The following KCNIP4 variants were observed in gnomAD, a reference collection of about 807,000 sequenced individuals.
The protein encoded by KCNIP4 is potassium voltage-gated channel interacting protein 4.
KCNIP4 carries 12 observed loss-of-function variants against 34.0 expected under a neutral mutation model. That is an observed-to-expected ratio of 0.35 (90% CI 0.23 to 0.57). The LOEUF is 0.57. Among genes scored for constraint, KCNIP4 ranks in the 20% least tolerant of loss-of-function variants. The pLI, the probability that KCNIP4 is intolerant of heterozygous loss-of-function variation, is 0.83. For synonymous variants in KCNIP4, 124 were observed against 102.2 expected (o/e 1.21, Z -1.29); for missense variants, 238 against 311.7 (o/e 0.76, Z 1.78).
At chr4:20,941,176 GCTCT>G (rs1478132297) in intron 1 of KCNIP4, among the ~76,000 whole-genome samples, 1 of 152,164 alleles carries the variant, frequency 6.6e-6, no homozygotes, top group Non-Finnish European at 1.5e-5. Flanking sequence ...CTATTTGCAT[GCTCT>G]CTAATTTCTA....
At chr4:21,048,934 T>G (rs1318479235) in intron 1 of KCNIP4, among the ~76,000 whole-genome samples, 1 of 149,550 alleles carries the variant, frequency 6.7e-6, no homozygotes, top group Middle Eastern at 3.2e-3. Context: ...TTTCAGTACC[T>G]TCTGTTTATC....
rs369985938 is a variant in KCNIP4 at position 21,247,800 on chromosome 4, G to GATATATAT, written c.62-365099_62-365092dup. 9.8e-4 allele frequency among the ~76,000 whole-genome samples: 50 copies of GATATATAT among 50,790 alleles called. 2 individuals are homozygous for GATATATAT. The highest frequency in any genetic ancestry group is 6.1e-3 in the East Asian group (15 of 2,458). 33.3% of individuals were successfully genotyped at this position (50,790 alleles called of 152,430 possible). A position where few individuals can be genotyped will look rare whatever the true frequency, so the allele number is the denominator to read the frequency against. On this transcript the variant is annotated intron_variant, in intron 1 of 8. Coordinates refer to ENST00000382152, the MANE Select transcript of KCNIP4 (RefSeq NM_025221.6). ...TTTTTATATATATACACCACAGGTG[G>GATATATAT]ATATATATATATATATATATACACA...
At chr4:21,510,078 CAAAAAAAAAAAAAAA>C (rs759477091) in intron 1 of KCNIP4, among the ~76,000 whole-genome samples, 79 of 65,224 alleles carry the variant, frequency 1.2e-3, no homozygotes, top group Non-Finnish European at 2.1e-3. Flanking sequence ...ACTCCATCTC[CAAAAAAAAAAAAAAA>C]AAAAAAAGGC....
intron 1 of KCNIP4, among the ~76,000 whole-genome samples, chr4:21,011,610 G>T (rs974739372): frequency 3.9e-5 from 6 of 152,134 alleles, no homozygotes; most frequent in Non-Finnish European, 8.8e-5. Context: ...ACTACTGATT[G>T]CTTCTATTTC....
intron 3 of KCNIP4, among the ~76,000 whole-genome samples, chr4:20,799,233 TCAGATATTCTG>T (rs760375137): frequency 6.6e-6 from 1 of 152,164 alleles, no homozygotes; most frequent in African/African-American, 2.4e-5. Flanking sequence ...GCAGGGGATT[TCAGATATTCTG>T]CACACCAGAG....
intron 1 of KCNIP4, among the ~76,000 whole-genome samples, chr4:21,408,417 A>G (rs1486153490): frequency 2.0e-5 from 3 of 152,168 alleles, no homozygotes; most frequent in African/African-American, 7.2e-5. Flanking sequence ...GGAGGCACAG[A>G]GGAGAAAGAG....
At chr4:21,661,681 G>A (rs550952993) in intron 1 of KCNIP4, among the ~76,000 whole-genome samples, 4 of 152,186 alleles carry the variant, frequency 2.6e-5, no homozygotes, top group East Asian at 1.9e-4. Flanking sequence ...ACACTCATCC[G>A]ATAGAAGATT....
chr4:21,095,166 T>G (rs1238351786), intron 1 of KCNIP4, among the ~76,000 whole-genome samples: 1 of 152,188 alleles, frequency 6.6e-6, no homozygotes, highest in Non-Finnish European at 1.5e-5. Context: ...GTTTGAAAAG[T>G]AAAATGTGCA....
chr4:21,717,223 G>A (rs1714453917), intron 1 of KCNIP4, among the ~76,000 whole-genome samples: 1 of 152,104 alleles, frequency 6.6e-6, no homozygotes, highest in African/African-American at 2.4e-5. Context: ...CAATAAAAAT[G>A]TTGCTAGACA....
At chr4:21,293,098 T>G (rs1445975706) in intron 1 of KCNIP4, among the ~76,000 whole-genome samples, 4 of 152,138 alleles carry the variant, frequency 2.6e-5, no homozygotes, top group African/African-American at 9.7e-5. Flanking sequence ...CAAATGATAA[T>G]AAATAGGAGA....
At chr4:20,909,245 T>C (rs34720683) in intron 1 of KCNIP4, among the ~76,000 whole-genome samples, 54,477 of 152,092 alleles carry the variant, frequency 0.36, 11,468 homozygotes, top group East Asian at 0.5. Context: ...TATTTTACTT[T>C]CGTGTTTTTC....
intron 1 of KCNIP4, among the ~76,000 whole-genome samples, chr4:21,686,036 G>A (rs1258467552): frequency 6.6e-6 from 1 of 152,126 alleles, no homozygotes; most frequent in Non-Finnish European, 1.5e-5. Flanking sequence ...TTTGACTTTT[G>A]TTTGGCTCAG....
rs192820647 is a variant in KCNIP4, at chr4:21,110,804, A to C, written c.62-228095T>G. Among the ~76,000 whole-genome samples, 43 of 152,306 alleles carry C rather than the reference A, an allele frequency of 2.8e-4. No homozygotes were observed. The East Asian group carries it at 7.9e-3, about 28-fold the overall frequency. On this transcript the variant is annotated intron_variant, in intron 1 of 8. Transcript: ENST00000382152. Reference sequence around the variant, plus strand: ...GTTGGTTGCCTGTGGATCATGACGCAGGCCCTTACCAGACCCTGAATCTTC... The same window carrying C: ...GTTGGTTGCCTGTGGATCATGACGCCGGCCCTTACCAGACCCTGAATCTTC...
chr4:21,346,001 G>A (rs1446202300), intron 1 of KCNIP4, among the ~76,000 whole-genome samples: 1 of 147,396 alleles, frequency 6.8e-6, no homozygotes, highest in Admixed American at 7.2e-5. Context: ...CTTTGGAAAG[G>A]AATGATGAAG....
chr4:21,026,529 C>T (rs1740572612), intron 1 of KCNIP4, among the ~76,000 whole-genome samples: 1 of 152,108 alleles, frequency 6.6e-6, no homozygotes, highest in African/African-American at 2.4e-5. Flanking sequence ...TGGCATGTGC[C>T]TGTGATCCCA....
chr4:21,859,560 G>A (rs930191379), intron 1 of KCNIP4, among the ~76,000 whole-genome samples: 3 of 151,600 alleles, frequency 2.0e-5, no homozygotes, highest in Admixed American at 6.6e-5. Context: ...CCTGGGAGGC[G>A]GAGCTTGCAG....
intron 1 of KCNIP4, among the ~76,000 whole-genome samples, chr4:21,706,123 T>C (rs1187785448): frequency 6.6e-6 from 1 of 152,202 alleles, no homozygotes; most frequent in African/African-American, 2.4e-5. Flanking sequence ...GATCAGCTAA[T>C]TTGGATTAGA....
intron 1 of KCNIP4, among the ~76,000 whole-genome samples, chr4:20,979,444 G>A (rs533639564): frequency 4.5e-4 from 67 of 150,160 alleles, no homozygotes; most frequent in South Asian, 2.1e-3. Flanking sequence ...TGTCGCCCAG[G>A]CTGGAGTGCA....
intron 5 of KCNIP4, 92 bp downstream of exon 5, chr4:20,749,570 G>A (rs1299354609): frequency 1.2e-6 from 1 of 853,926 alleles, no homozygotes; most frequent in Non-Finnish European, 1.8e-6. Context: ...TCTTTCCCCT[G>A]AGCAAAAATA....
Sources: allele counts gnomAD v4.1 joint callset (sites outside exome capture counted in the v4.1 genomes callset), GRCh38; gene constraint gnomAD v4.1.1; transcripts MANE v1.5; gene names NCBI Gene and HGNC (gene_info 2026-07-23, HGNC 2026-07-21).